DPYSL5: variants seen among roughly 807,000 people sequenced by gnomAD.
DPYSL5 encodes dihydropyrimidinase like 5, also known as dihydropyrimidinase-related protein 5.
Under a neutral mutation model 58.4 loss-of-function variants are expected in DPYSL5, and 9 were observed. The observed-to-expected ratio is 0.15, with a 90% CI of 0.09 to 0.27. The LOEUF is 0.27. DPYSL5 is among the 10% of genes least tolerant of loss of function. DPYSL5 has a pLI of 1.00. For synonymous variants in DPYSL5, 293 were observed against 301.9 expected (o/e 0.97, Z 0.31); for missense variants, 499 against 770.6 (o/e 0.65, Z 4.17).
At chr2:26,918,967 G>A (rs1384603303) in intron 2 of DPYSL5, among the ~76,000 whole-genome samples, 1 of 152,156 alleles carries the variant, frequency 6.6e-6, no homozygotes, top group East Asian at 1.9e-4. Flanking sequence ...TTGTGGGCAG[G>A]GTTGCTGGGG....
rs1303509558 is a variant in DPYSL5, at chr2:26,877,992, C to A, written c.-4-20504C>A. On this transcript the variant is annotated intron_variant, in intron 1 of 12. Coordinates refer to ENST00000288699, the MANE Select transcript of DPYSL5 (RefSeq NM_020134.4). The surrounding 1 kb of genome is among the most constrained non-coding windows in gnomAD (Gnocchi z 4.1). ...TATTATAAACAACAGTGTTACCAAA[C>A]ACCCTCGTACTACATCTTTGTACAA... Among the ~76,000 whole-genome samples, 1 of 152,230 alleles carries A rather than the reference C, an allele frequency of 6.6e-6. No individual in the cohort carries two copies. The highest frequency in any genetic ancestry group is 1.5e-5 in the Non-Finnish European group (1 of 68,038).
chr2:26,925,042 C>G lies in DPYSL5; in HGVS notation c.417C>G (p.Pro139=). The part of the protein sequence containing the change: ...ALHVGITWWA[P]KVKAEMETLV... The stretch of plus-strand genomic sequence containing the variant: ...ACGTGGGGATCACCTGGTGGGCACC[C>G]AAGGTAACAGTGCTGGTGGGATCCC... The change falls in exon 3 of 13, where the codon CCC becomes CCG. Residue 139 remains proline, a synonymous_variant. Coordinates refer to ENST00000288699, the MANE Select transcript of DPYSL5 (RefSeq NM_020134.4). This position sits in a 1 kb window ranked among gnomAD's most constrained non-coding sequence, Gnocchi z 4.5. The G allele has an allele frequency of 6.2e-7, 1 of 1,613,822 alleles. No individual in the cohort carries two copies. The highest frequency in any genetic ancestry group is 8.5e-7 in the Non-Finnish European group (1 of 1,179,854).
At chr2:26,943,446 A>G (rs1465045931) in intron 11 of DPYSL5, among the ~76,000 whole-genome samples, 1 of 152,104 alleles carries the variant, frequency 6.6e-6, no homozygotes, top group African/African-American at 2.4e-5. Context: ...TTTTGTGGAG[A>G]TGGACGGGGT....
rs1048108294 is a variant in DPYSL5, at chr2:26,944,574, G to A, written c.1441-82G>A. 6.0e-6 allele frequency: 9 copies of A among 1,495,556 alleles called. No individual in the cohort carries two copies. Among genetic ancestry groups the A allele is most frequent in the African/African-American group, 2.8e-5 (2 of 72,158 alleles). 92.6% of individuals were successfully genotyped at this position (1,495,556 alleles called of 1,614,324 possible). A position where few individuals can be genotyped will look rare whatever the true frequency, so the allele number is the denominator to read the frequency against. On this transcript the variant is annotated intron_variant, in intron 11 of 12. Coordinates refer to ENST00000288699, the MANE Select transcript of DPYSL5 (RefSeq NM_020134.4). This position sits in a 1 kb window ranked among gnomAD's most constrained non-coding sequence, Gnocchi z 4.4. ...GAGTGGCAGTGTCTAATGTCCCACC[G>A]GCCCCCAGGGAGGCCATGGTTGTAT...
chr2:26,887,772 G>C (rs567246863), intron 1 of DPYSL5, among the ~76,000 whole-genome samples: 1 of 150,056 alleles, frequency 6.7e-6, no homozygotes, highest in African/African-American at 2.5e-5. Flanking sequence ...GCACTCCCTA[G>C]TTACAGTATT....
chr2:26,862,238 T>C (rs1666033588), intron 1 of DPYSL5, among the ~76,000 whole-genome samples: 1 of 152,236 alleles, frequency 6.6e-6, no homozygotes, highest in Non-Finnish European at 1.5e-5. Context: ...TTACACAGCA[T>C]AGAAAACTAA....
At chr2:26,917,705 C>T (rs12615303) in intron 2 of DPYSL5, among the ~76,000 whole-genome samples, 46,579 of 152,188 alleles carry the variant, frequency 0.31, 8,440 homozygotes, top group Admixed American at 0.5. Flanking sequence ...GATCCCCCTA[C>T]ATCAGGCCAG....
chr2:26,929,262 C>T (rs187487003), intron 5 of DPYSL5, among the ~76,000 whole-genome samples: 32 of 152,220 alleles, frequency 2.1e-4, no homozygotes, highest in African/African-American at 6.7e-4. Context: ...GATGGAGTCT[C>T]GCTCTTGTTG....
At position 26,947,251 on chromosome 2, in the gene DPYSL5, G is replaced by A; in HGVS notation, c.*256G>A. ...CTCGGCGGGCTTTTCTGGGGCCCAG[G>A]AAGCCCACACTATGCACAGAGCCCA... On this transcript the variant is annotated 3_prime_UTR_variant, in exon 13 of 13. Transcript: ENST00000288699. The surrounding 1 kb of genome is among the most constrained non-coding windows in gnomAD (Gnocchi z 4.2). 1 of 466,338 alleles carries A rather than the reference G, an allele frequency of 2.1e-6. No homozygotes were observed. Among genetic ancestry groups the A allele is most frequent in the Non-Finnish European group, 4.0e-6 (1 of 252,914 alleles). The allele number at this position is 466,338 out of a possible 1,614,324, so 28.9% of individuals were successfully genotyped here.
chr2:26,873,422 CG>C (rs1310537736), intron 1 of DPYSL5, among the ~76,000 whole-genome samples: 4 of 152,126 alleles, frequency 2.6e-5, no homozygotes, highest in Non-Finnish European at 5.9e-5. Context: ...GCCTCTCAGG[CG>C]ACATATAGCA....
Position 26,898,906 on chromosome 2 carries a change from A to G in DPYSL5, c.261+146A>G, listed in dbSNP as rs1279949092. 2 of 984,438 alleles carry G rather than the reference A, an allele frequency of 2.0e-6. No individual in the cohort carries two copies. Among genetic ancestry groups the G allele is most frequent in the African/African-American group, 3.3e-5 (2 of 60,990 alleles). 61.0% of individuals were successfully genotyped at this position (984,438 alleles called of 1,614,324 possible). On this transcript the variant is annotated intron_variant, in intron 2 of 12. Transcript: ENST00000288699. The surrounding 1 kb of genome is among the most constrained non-coding windows in gnomAD (Gnocchi z 6.1). Reference sequence around the variant, plus strand: ...GTGTGTCAGGGCCACTGTGGCAACTACAATAGGGATTTCCGGCTTAACGTC... The same window carrying G: ...GTGTGTCAGGGCCACTGTGGCAACTGCAATAGGGATTTCCGGCTTAACGTC...
intron 1 of DPYSL5, among the ~76,000 whole-genome samples, chr2:26,893,426 C>A (rs976181994): frequency 6.6e-6 from 1 of 152,162 alleles, no homozygotes; most frequent in African/African-American, 2.4e-5. Context: ...TGGTGACAGA[C>A]AAAGTTAAAT....
chr2:26,908,583 A>G (rs987219922), intron 2 of DPYSL5, among the ~76,000 whole-genome samples: 1 of 152,238 alleles, frequency 6.6e-6, no homozygotes, highest in African/African-American at 2.4e-5. Flanking sequence ...TGGTATTGGG[A>G]AAAAACCTCC....
At chr2:26,872,169 G>A (rs1409280600) in intron 1 of DPYSL5, among the ~76,000 whole-genome samples, 1 of 152,230 alleles carries the variant, frequency 6.6e-6, no homozygotes, top group Non-Finnish European at 1.5e-5. Flanking sequence ...GCACTGGGCT[G>A]AGGAGAGAGG....
At position 26,898,152 on chromosome 2, in the gene DPYSL5, G is replaced by C. The variant is rs56887097; in HGVS notation, c.-4-344G>C. On this transcript the variant is annotated intron_variant, in intron 1 of 12. Coordinates refer to ENST00000288699, the MANE Select transcript of DPYSL5 (RefSeq NM_020134.4). The surrounding 1 kb of genome is among the most constrained non-coding windows in gnomAD (Gnocchi z 6.1). ...GCTTTCTCATCTGTAAAATGCCTTG[G>C]GTTGTTTTGGGGATAGTAGAGATAT... 9.2e-3 allele frequency among the ~76,000 whole-genome samples: 1,407 copies of C among 152,232 alleles called. 32 individuals carry two copies. The highest frequency in any genetic ancestry group is 0.032 in the African/African-American group (1,326 of 41,534).
At chr2:26,938,767 C>G (rs1203669807) in intron 8 of DPYSL5, 1 of 152,206 alleles carries the variant, frequency 6.6e-6, no homozygotes, top group African/African-American at 2.4e-5. Context: ...GGCTCTGGGG[C>G]CTCTTACAGA....
At chr2:26,941,752 G>A (rs935729950) in intron 9 of DPYSL5, among the ~76,000 whole-genome samples, 198 bp from the exon 10 acceptor site, 1 of 152,206 alleles carries the variant, frequency 6.6e-6, no homozygotes, top group African/African-American at 2.4e-5. Context: ...CTGGGTGAAG[G>A]GAGAAAGGAA....
At chr2:26,879,167 G>A (rs901793755) in intron 1 of DPYSL5, among the ~76,000 whole-genome samples, 1 of 152,176 alleles carries the variant, frequency 6.6e-6, no homozygotes, top group Non-Finnish European at 1.5e-5. Flanking sequence ...GGACCAACCA[G>A]AAGTATCCAT....
intron 2 of DPYSL5, among the ~76,000 whole-genome samples, chr2:26,900,356 GATGAA>G (rs1350895665): frequency 6.6e-6 from 1 of 152,238 alleles, no homozygotes; most frequent in Non-Finnish European, 1.5e-5. Context: ...TGTCTATGTA[GATGAA>G]ATGAAGCAGT....
Sources: allele counts gnomAD v4.1 joint callset (sites outside exome capture counted in the v4.1 genomes callset), GRCh38; gene constraint gnomAD v4.1.1; non-coding constraint Gnocchi (gnomAD v3.1); transcripts MANE v1.5; gene names NCBI Gene and HGNC (gene_info 2026-07-23, HGNC 2026-07-21).